The following CACNA1B variants were observed in gnomAD, a reference collection of about 807,000 sequenced individuals.
CACNA1B encodes the protein calcium voltage-gated channel subunit alpha1 B.
A neutral mutation model predicts 247.2 loss-of-function variants in CACNA1B; 70 were observed. The observed-to-expected ratio is 0.28, with a 90% CI of 0.23 to 0.35. The LOEUF (loss-of-function observed/expected upper bound fraction) is 0.35, where lower values mean the gene tolerates loss of function less well. CACNA1B is among the 10% of genes least tolerant of loss of function. The probability of loss-of-function intolerance (pLI) is 1.00; values close to 1 mark genes in which losing one functional copy is unlikely to be tolerated. For synonymous variants in CACNA1B, 1,231 were observed against 1,294.4 expected, an observed-to-expected ratio of 0.95 and a Z score of 1.05; for missense variants, 2,367 against 3,197.4, an observed-to-expected ratio of 0.74 and a Z score of 6.26.
intron 10 of CACNA1B, among the ~76,000 whole-genome samples, chr9:137,967,482 G>A (rs1243861018): frequency 6.6e-6 from 1 of 152,154 alleles, no homozygotes; most frequent in African/African-American, 2.4e-5. Flanking sequence ...CAGTCACCTA[G>A]GTTTACCTTA....
At chr9:137,947,317 G>A (rs1235587486) in intron 6 of CACNA1B, among the ~76,000 whole-genome samples, 2 of 152,132 alleles carry the variant, frequency 1.3e-5, no homozygotes, top group Non-Finnish European at 2.9e-5. Flanking sequence ...GGGCCGCAAA[G>A]GGAGTAGCTG....
rs1419427728 is a variant in CACNA1B, at chr9:138,013,165, C to T, written c.2197C>T (p.Leu733Phe). 1 of 1,613,096 alleles carries T rather than the reference C, an allele frequency of 6.2e-7. No individual in the cohort carries two copies. Among genetic ancestry groups the T allele is most frequent in the Non-Finnish European group, 8.5e-7 (1 of 1,179,474 alleles). Residue 733 changes from leucine to phenylalanine, a missense_variant, in exon 18 of 47, where the codon CTT (leucine) becomes TTT (phenylalanine). By Grantham distance (22) the Leu-to-Phe change is conservative. Coordinates refer to ENST00000371372, the MANE Select transcript of CACNA1B (RefSeq NM_000718.4). ...GATGGAAGAAGCAGCCAATCAGAAGCTTGCTCTGCAAAAGGCCAAAGAAGT... is the reference window on the plus strand; with the variant it reads ...GATGGAAGAAGCAGCCAATCAGAAGTTTGCTCTGCAAAAGGCCAAAGAAGT... ...EEMEEAANQK[L>F]ALQKAKEVAE...
chr9:138,038,333 G>A (rs922277484), intron 20 of CACNA1B, among the ~76,000 whole-genome samples: 1 of 152,158 alleles, frequency 6.6e-6, no homozygotes, highest in Admixed American at 6.6e-5. Context: ...TTCCAGGATC[G>A]TTGTGCACAC....
At chr9:138,031,630 A>G (rs1589080823) in intron 20 of CACNA1B, among the ~76,000 whole-genome samples, 1 of 152,176 alleles carries the variant, frequency 6.6e-6, no homozygotes, top group East Asian at 1.9e-4. Context: ...ATGTGGATTT[A>G]TCTTTGCTCC....
intron 15 of CACNA1B, among the ~76,000 whole-genome samples, chr9:137,989,401 A>AGTGGAGGCTCCCATGTGAG (rs1958405586): frequency 6.6e-6 from 1 of 152,096 alleles, no homozygotes; most frequent in Non-Finnish European, 1.5e-5. Context: ...GGTGGGCTGG[A>AGTGGAGGCTCCCATGTGAG]GTGGAGGCTC....
chr9:138,053,709 G>C, intron 25 of CACNA1B, 137 bp from the exon 26 acceptor site: 2 of 402,820 alleles, frequency 5.0e-6, no homozygotes, highest in Non-Finnish European at 9.6e-6. Context: ...ATTCCCTTAC[G>C]GCCATGCCCT....
At position 137,926,360 on chromosome 9, in the gene CACNA1B, G is replaced by A. The variant is rs144736356; in HGVS notation, c.966+8929G>A. Among the ~76,000 whole-genome samples the A allele has an allele frequency of 4.1e-4, 62 of 152,234 alleles. No individual in the cohort carries two copies. In the East Asian group the frequency reaches 8.7e-3, roughly 21 times the overall value. ...TGGGATTACAGGTGTAAGCCACTGCGCCCAGCCACCTCCTTCCTTCTTAAG... is the reference window on the plus strand; with the variant it reads ...TGGGATTACAGGTGTAAGCCACTGCACCCAGCCACCTCCTTCCTTCTTAAG... On this transcript the variant is annotated intron_variant, in intron 6 of 46. Transcript: ENST00000371372.
At chr9:137,967,637 G>T (rs765407799) in intron 10 of CACNA1B, among the ~76,000 whole-genome samples, 5 of 152,214 alleles carry the variant, frequency 3.3e-5, no homozygotes, top group Non-Finnish European at 4.4e-5. Flanking sequence ...ACTCTCAGGT[G>T]CCCTTCCTTG....
intron 10 of CACNA1B, among the ~76,000 whole-genome samples, chr9:137,963,283 T>C (rs1230781047): frequency 6.6e-6 from 1 of 152,226 alleles, no homozygotes; most frequent in African/African-American, 2.4e-5. Context: ...TCTTTGCATG[T>C]GATGTGGGTC....
chr9:137,929,757 A>G (rs1160415743), intron 6 of CACNA1B, among the ~76,000 whole-genome samples: 1 of 151,982 alleles, frequency 6.6e-6, no homozygotes, highest in African/African-American at 2.4e-5. Flanking sequence ...GGCTCAAGTA[A>G]TCCTCCCACC....
At chr9:138,047,084 G>A (rs2133480931) in intron 22 of CACNA1B, 51 bp downstream of exon 22, 2 of 1,549,188 alleles carry the variant, frequency 1.3e-6, no homozygotes, top group Non-Finnish European at 8.8e-7. Flanking sequence ...GGGGGAGCTG[G>A]GTGCCTTCCC....
At chr9:137,967,637 G>GC (rs1295734034) in intron 10 of CACNA1B, among the ~76,000 whole-genome samples, 3 of 152,214 alleles carry the variant, frequency 2.0e-5, no homozygotes, top group African/African-American at 7.2e-5. Context: ...ACTCTCAGGT[G>GC]CCCTTCCTTG....
Position 137,890,232 on chromosome 9 carries a change from G to GCCGAC in CACNA1B, c.530+7352_530+7356dup, listed in dbSNP as rs1430238711. 42 of 150,056 alleles carry GCCGAC rather than the reference G, an allele frequency of 2.8e-4. No homozygotes were observed. In the East Asian group the frequency reaches 7.0e-3, roughly 25 times the overall value. 9.3% of individuals were successfully genotyped at this position (150,056 alleles called of 1,614,324 possible). A position where few individuals can be genotyped will look rare whatever the true frequency, so the allele number is the denominator to read the frequency against. On this transcript the variant is annotated intron_variant, in intron 3 of 46. Transcript: ENST00000371372. ...GCCTCTCATATGCCCGCCTGGCATA[G>GCCGAC]CCGACCCAAGGGAGGGTTGGCCTCT... is the stretch of plus-strand genomic sequence containing the variant.
intron 12 of CACNA1B, among the ~76,000 whole-genome samples, chr9:137,977,588 A>T (rs1958235313): frequency 6.6e-6 from 1 of 152,212 alleles, no homozygotes. Flanking sequence ...CAGACCCCGC[A>T]GGGAGCACAG....
rs1360459366 is a variant in CACNA1B at position 138,058,203 on chromosome 9, G to C, written c.4261G>C (p.Glu1421Gln). 1 of 1,614,036 alleles carries C rather than the reference G, an allele frequency of 6.2e-7. No individual in the cohort carries two copies. The highest frequency in any genetic ancestry group is 2.2e-5 in the East Asian group (1 of 44,884). ...GGCTTTGATCATCATCACCTTCCAGGAGCAGGGGGACAAGGTGATGTCTGA... is the reference window on the plus strand; with the variant it reads ...GGCTTTGATCATCATCACCTTCCAGCAGCAGGGGGACAAGGTGATGTCTGA... ...FVALIIITFQ[E>Q]QGDKVMSECS... The change falls in exon 28 of 47, where the codon GAG (glutamate) becomes CAG (glutamine). Residue 1421 changes from glutamate to glutamine, a missense_variant. Glu to Gln is a conservative substitution (Grantham distance 29). Transcript: ENST00000371372. This position sits in a 1 kb window ranked among gnomAD's most constrained non-coding sequence, Gnocchi z 4.7.
chr9:138,090,850 A>G (rs1374140679), intron 36 of CACNA1B, among the ~76,000 whole-genome samples: 1 of 152,104 alleles, frequency 6.6e-6, no homozygotes, highest in African/African-American at 2.4e-5. Context: ...GGAAATGCAA[A>G]TCAAAACCAC....
chr9:137,905,096 T>C (rs1957282825), intron 3 of CACNA1B, among the ~76,000 whole-genome samples: 2 of 152,178 alleles, frequency 1.3e-5, no homozygotes, highest in South Asian at 4.1e-4. Flanking sequence ...GGCTTATACC[T>C]GTAATCCCAG....
chr9:137,912,839 T>G (rs1367229774), intron 3 of CACNA1B, among the ~76,000 whole-genome samples: 1 of 152,164 alleles, frequency 6.6e-6, no homozygotes, highest in Non-Finnish European at 1.5e-5. Context: ...AGCCTTAAAC[T>G]CAATTGGTAG....
chr9:137,944,005 T>C (rs1315129125), intron 6 of CACNA1B, among the ~76,000 whole-genome samples: 1 of 152,218 alleles, frequency 6.6e-6, no homozygotes, highest in Non-Finnish European at 1.5e-5. Flanking sequence ...CCTACAGGTG[T>C]CTATTAGTAC....
Sources: gnomAD v4.1 joint callset for allele counts (sites outside exome capture counted in the v4.1 genomes callset) on GRCh38, gnomAD v4.1.1 for gene constraint, Gnocchi (gnomAD v3.1) non-coding constraint, MANE v1.5 for transcripts, NCBI Gene and HGNC (gene_info 2026-07-23, HGNC 2026-07-21) for gene names.